Variants in BRD7 observed in about 807,000 individuals in gnomAD.
The protein encoded by BRD7 is bromodomain-containing protein 7.
BRD7 carries 15 observed loss-of-function variants against 82.1 expected under a neutral mutation model. That is an observed-to-expected ratio of 0.18 (90% CI 0.12 to 0.28). The LOEUF (loss-of-function observed/expected upper bound fraction) is 0.28, where lower values mean the gene tolerates loss of function less well. BRD7 is among the 10% of genes least tolerant of loss of function. BRD7 has a pLI of 1.00. For synonymous variants in BRD7, 232 were observed against 266.9 expected (o/e 0.87, Z 1.27); for missense variants, 638 against 779.9 (o/e 0.82, Z 2.17).
At chr16:50,356,186 A>G (rs1479587520) in intron 2 of BRD7, among the ~76,000 whole-genome samples, 3 of 152,226 alleles carry the variant, frequency 2.0e-5, no homozygotes, top group Non-Finnish European at 4.4e-5. Context: ...TGGGATTTTC[A>G]TACCTTGCAA....
At position 50,350,945 on chromosome 16, in the gene BRD7, T is replaced by C. The variant is rs185658782; in HGVS notation, c.447-778A>G. Among the ~76,000 whole-genome samples the C allele has an allele frequency of 1.2e-3, 182 of 152,294 alleles. 5 individuals carry two copies. The highest frequency in any genetic ancestry group is 2.8e-4 in the Non-Finnish European group (19 of 68,024). On this transcript the variant is annotated intron_variant, in intron 4 of 16. Coordinates refer to ENST00000394688, the MANE Select transcript of BRD7 (RefSeq NM_013263.5). The stretch of plus-strand genomic sequence containing the variant: ...GCAGTGATATTTCCACAGATGAGTA[T>C]TGGCATTGGGATTTGAATATTTGGC...
In BRD7 at chr16:50,345,711, A is replaced by C. The variant is rs376770650; in HGVS notation, c.591+4312T>G. Among the ~76,000 whole-genome samples the C allele has an allele frequency of 7.9e-5, 12 of 152,296 alleles. No individual in the cohort carries two copies. The South Asian group carries it at 1.0e-3, about 13-fold the overall frequency. On this transcript the variant is annotated intron_variant, in intron 5 of 16. Coordinates refer to ENST00000394688, the MANE Select transcript of BRD7 (RefSeq NM_013263.5). The stretch of plus-strand genomic sequence containing the variant: ...TGGTAAAGGGATCAATTCAACAAGA[A>C]GAGCTAACTATCCTAAATATATATG...
intron 2 of BRD7, 87 bp downstream of exon 2, chr16:50,368,003 T>G: frequency 1.5e-6 from 2 of 1,367,082 alleles, no homozygotes; most frequent in South Asian, 2.5e-5. Context: ...GCGTTTGTTT[T>G]CCCCAGATAC....
chr16:50,336,905 T>C (rs1041661641), intron 6 of BRD7, among the ~76,000 whole-genome samples: 1 of 152,236 alleles, frequency 6.6e-6, no homozygotes, highest in African/African-American at 2.4e-5. Flanking sequence ...AGTCAGCACA[T>C]TATTGATCTT....
At chr16:50,351,908 CTTG>C (rs1225946769) in intron 4 of BRD7, among the ~76,000 whole-genome samples, 1 of 148,930 alleles carries the variant, frequency 6.7e-6, no homozygotes, top group African/African-American at 2.5e-5. Context: ...ACCCCAAACA[CTTG>C]TTATTTCTTT....
chr16:50,339,889 A>C, intron 6 of BRD7, 87 bp downstream of exon 6: 1 of 643,658 alleles, frequency 1.6e-6, no homozygotes. Context: ...AATAAAATCA[A>C]TACTGTATTG....
intron 2 of BRD7, among the ~76,000 whole-genome samples, chr16:50,367,661 T>C (rs1384557381): frequency 1.3e-5 from 2 of 152,228 alleles, no homozygotes; most frequent in African/African-American, 2.4e-5. Context: ...AACACTGTTT[T>C]AAAAGATTTA....
In BRD7 at chr16:50,363,660, TGCGCGCGC is replaced by T. The variant is rs1555472868; in HGVS notation, c.258+4422_258+4429del. Among the ~76,000 whole-genome samples the T allele has an allele frequency of 7.5e-3, 770 of 102,504 alleles. 8 individuals carry two copies. The highest frequency in any genetic ancestry group is 0.019 in the African/African-American group (719 of 37,420). 67.2% of individuals were successfully genotyped at this position (102,504 alleles called of 152,430 possible). A position where few individuals can be genotyped will look rare whatever the true frequency, so the allele number is the denominator to read the frequency against. On this transcript the variant is annotated intron_variant, in intron 2 of 16. Transcript: ENST00000394688. ...GTGTGTTTGTGTGTGTGTGTGTGTG[TGCGCGCGC>T]GCGCGTGCGCGTGTGCTTCCCCCAA...
chr16:50,364,979 T>G (rs2039083637), intron 2 of BRD7, among the ~76,000 whole-genome samples: 1 of 152,138 alleles, frequency 6.6e-6, no homozygotes, highest in Admixed American at 6.5e-5. Flanking sequence ...AGACAAAGGT[T>G]GATAAGCCAC....
chr16:50,347,839 G>A (rs1037758563), intron 5 of BRD7, among the ~76,000 whole-genome samples: 1 of 152,140 alleles, frequency 6.6e-6, no homozygotes, highest in African/African-American at 2.4e-5. Context: ...TAGTGCCCAA[G>A]GTAATTTATA....
At chr16:50,349,153 A>C (rs2038411074) in intron 5 of BRD7, 1 of 165,900 alleles carries the variant, frequency 6.0e-6, no homozygotes, top group Non-Finnish European at 1.3e-5. Context: ...AGGACAGAAA[A>C]CCAAACACCG....
intron 9 of BRD7, among the ~76,000 whole-genome samples, chr16:50,328,447 G>A (rs1189493492): frequency 6.6e-6 from 1 of 152,152 alleles, no homozygotes; most frequent in African/African-American, 2.4e-5. Context: ...ATATTTCAGG[G>A]ACTTTGAATT....
intron 5 of BRD7, among the ~76,000 whole-genome samples, chr16:50,342,305 C>T (rs966957031): frequency 5.3e-5 from 8 of 151,904 alleles, no homozygotes; most frequent in Admixed American, 2.6e-4. Flanking sequence ...TTCTATTTCT[C>T]GAAATAAGAG....
chr16:50,349,629 T>C (rs1481789446), intron 5 of BRD7: 1 of 470,932 alleles, frequency 2.1e-6, no homozygotes, highest in Non-Finnish European at 4.4e-6. Flanking sequence ...CAGTTCTGTA[T>C]AGCGGTGTAA....
chr16:50,342,037 G>A (rs886272461), intron 5 of BRD7, among the ~76,000 whole-genome samples: 1 of 151,564 alleles, frequency 6.6e-6, no homozygotes, highest in African/African-American at 2.4e-5. Context: ...CTAGAAAAAA[G>A]TGGCAACGTA....
intron 2 of BRD7, among the ~76,000 whole-genome samples, chr16:50,363,637 G>GTT (rs1567291926): frequency 1.4e-5 from 1 of 72,192 alleles, no homozygotes; most frequent in Non-Finnish European, 2.5e-5. Context: ...TTTACGTTGT[G>GTT]TGTTTGTGTG....
At chr16:50,363,680 T>TACGCGC (rs1567292274) in intron 2 of BRD7, among the ~76,000 whole-genome samples, 2 of 86,052 alleles carry the variant, frequency 2.3e-5, no homozygotes, top group East Asian at 5.1e-4. Context: ...CGCGTGCGCG[T>TACGCGC]GTGCTTCCCC....
chr16:50,332,211 G>A (rs1026809628), intron 8 of BRD7, among the ~76,000 whole-genome samples: 6 of 152,008 alleles, frequency 3.9e-5, no homozygotes, highest in African/African-American at 1.2e-4. Flanking sequence ...CCCGCAGAAC[G>A]GGAGAAAATA....
intron 11 of BRD7, among the ~76,000 whole-genome samples, chr16:50,324,493 C>CA (rs1567599835): frequency 6.6e-6 from 1 of 152,194 alleles, no homozygotes; most frequent in Admixed American, 6.5e-5. Flanking sequence ...AAGACCCACT[C>CA]TCATCAACGC....
Sources: allele counts gnomAD v4.1 joint callset (sites outside exome capture counted in the v4.1 genomes callset), GRCh38; gene constraint gnomAD v4.1.1; transcripts MANE v1.5; gene names NCBI Gene and HGNC (gene_info 2026-07-23, HGNC 2026-07-21).